The following CISTR variants were observed in gnomAD, a reference collection of about 807,000 sequenced individuals.
CISTR encodes chondrogenesis-associated transcript.
At chr12:53,753,022 A>C (rs1413319400) in intron 1 of CISTR, among the ~76,000 whole-genome samples, 2 of 150,792 alleles carry the variant, frequency 1.3e-5, no homozygotes, top group Non-Finnish European at 2.9e-5. Context: ...CTAGAACCTC[A>C]TACCATCATA....
At chr12:53,746,664 A>G (rs1937784515) in exon 3 of CISTR, among the ~76,000 whole-genome samples, 1 of 152,126 alleles carries the variant, frequency 6.6e-6, no homozygotes, top group African/African-American at 2.4e-5. Flanking sequence ...TTTTTGCTCG[A>G]GCTAAAGACG....
At chr12:53,755,938 G>A (rs1937909705) in intron 1 of CISTR, 1 of 152,234 alleles carries the variant, frequency 6.6e-6, no homozygotes, top group African/African-American at 2.4e-5. Flanking sequence ...CTGATTAGCT[G>A]TTTTGGAGAG....
In CISTR at chr12:53,751,339, C is replaced by T. The variant is rs1198924157; in HGVS notation, n.415-374G>A. Among the ~76,000 whole-genome samples the T allele has an allele frequency of 1.3e-5, 2 of 152,120 alleles. No individual in the cohort carries two copies. Among genetic ancestry groups the T allele is most frequent in the Non-Finnish European group, 2.9e-5 (2 of 68,010 alleles). On this transcript the variant is annotated intron_variant and non_coding_transcript_variant, in intron 1 of 2. Transcript: ENST00000669269. This position sits in a 1 kb window ranked among gnomAD's most constrained non-coding sequence, Gnocchi z 4.6. Reference sequence around the variant, plus strand: ...CCAATCGCCAGAGATCTAATGGCTCCTTTGGCAGTGGGAAGGGGTGTGCGT... The same window carrying T: ...CCAATCGCCAGAGATCTAATGGCTCTTTTGGCAGTGGGAAGGGGTGTGCGT...
At chr12:53,748,305 C>G (rs577409844) in intron 2 of CISTR, among the ~76,000 whole-genome samples, 1 of 152,220 alleles carries the variant, frequency 6.6e-6, no homozygotes, top group Non-Finnish European at 1.5e-5. Context: ...CAGCGCCCCC[C>G]CAACTCCATC....
rs771853088 is a variant in CISTR, at chr12:53,751,553, G to A, written n.415-588C>T. ...TAAACGAGGCGCGCAGGACTCCCTGGTGGGCCCTCAGCCTCCTCCGCGCGG... is the reference window on the plus strand; with the variant it reads ...TAAACGAGGCGCGCAGGACTCCCTGATGGGCCCTCAGCCTCCTCCGCGCGG... On this transcript the variant is annotated intron_variant and non_coding_transcript_variant, in intron 1 of 2. Transcript: ENST00000669269. The surrounding 1 kb of genome is among the most constrained non-coding windows in gnomAD (Gnocchi z 4.6). Among the ~76,000 whole-genome samples, 24 of 152,170 alleles carry A rather than the reference G, an allele frequency of 1.6e-4. No homozygotes were observed. Among genetic ancestry groups the A allele is most frequent in the Non-Finnish European group, 1.0e-4 (7 of 68,026 alleles).
chr12:53,748,792 G>A (rs926335994), intron 2 of CISTR, among the ~76,000 whole-genome samples: 6 of 152,194 alleles, frequency 3.9e-5, no homozygotes, highest in Non-Finnish European at 5.9e-5. Context: ...AGCAGAGAAG[G>A]GGAGGGAGAA....
At chr12:53,752,373 G>A (rs1266235696) in intron 1 of CISTR, among the ~76,000 whole-genome samples, 2 of 152,108 alleles carry the variant, frequency 1.3e-5, no homozygotes, top group African/African-American at 4.8e-5. Flanking sequence ...CTGCTTGCTG[G>A]CCCTCCGGCT....
rs1937831311 is a variant in CISTR at position 53,750,238 on chromosome 12, T to C, written n.1063+79A>G. ...CAGTTAGTTCATCAGGGAAGGCTGC[T>C]AGGAGTGGGGGAGTTAGAGAGGTGT... On this transcript the variant is annotated intron_variant and non_coding_transcript_variant, in intron 2 of 2. Coordinates refer to ENST00000669269, the Ensembl canonical transcript of CISTR. 3.3e-5 allele frequency among the ~76,000 whole-genome samples: 5 copies of C among 152,140 alleles called. No individual in the cohort carries two copies. The South Asian group carries it at 1.0e-3, about 31-fold the overall frequency.
Position 53,751,319 on chromosome 12 carries a change from C to A in CISTR, n.415-354G>T, listed in dbSNP as rs1015975189. On this transcript the variant is annotated intron_variant and non_coding_transcript_variant, in intron 1 of 2. Coordinates refer to ENST00000669269, the Ensembl canonical transcript of CISTR. The surrounding 1 kb of genome is among the most constrained non-coding windows in gnomAD (Gnocchi z 4.6). ...CGCTCACTCGGACCTCGGAGCCAAT[C>A]GCCAGAGATCTAATGGCTCCTTTGG... Among the ~76,000 whole-genome samples the A allele has an allele frequency of 3.3e-5, 5 of 152,144 alleles. No individual in the cohort carries two copies. Among genetic ancestry groups the A allele is most frequent in the African/African-American group, 1.2e-4 (5 of 41,438 alleles).
intron 2 of CISTR, among the ~76,000 whole-genome samples, chr12:53,749,315 T>C (rs1325321691): frequency 6.6e-6 from 1 of 151,472 alleles, no homozygotes; most frequent in African/African-American, 2.4e-5. Flanking sequence ...TGTGTATATA[T>C]ATATATAAAA....
At position 53,753,052 on chromosome 12, in the gene CISTR, T is replaced by TCACACACACACACACA. The variant is rs760615546; in HGVS notation, n.415-2103_415-2088dup. ...ATCATACTTCTCTCCCATCTATACATCACACACACACACACACACACACAC... is the reference window on the plus strand; with the variant it reads ...ATCATACTTCTCTCCCATCTATACATCACACACACACACACACACACACACACACACACACACACAC... On this transcript the variant is annotated intron_variant and non_coding_transcript_variant, in intron 1 of 2. Coordinates refer to ENST00000669269, the Ensembl canonical transcript of CISTR. Among the ~76,000 whole-genome samples the TCACACACACACACACA allele has an allele frequency of 5.8e-5, 7 of 121,326 alleles. No homozygotes were observed. The East Asian group carries it at 6.6e-4, about 11-fold the overall frequency. 79.6% of individuals were successfully genotyped at this position (121,326 alleles called of 152,430 possible). A position where few individuals can be genotyped will look rare whatever the true frequency, so the allele number is the denominator to read the frequency against.
intron 2 of CISTR, among the ~76,000 whole-genome samples, chr12:53,748,350 G>T (rs1259750668): frequency 6.6e-6 from 1 of 152,206 alleles, no homozygotes; most frequent in Non-Finnish European, 1.5e-5. Context: ...AGGCAGAGAA[G>T]GGGGGAGATG....
rs145462001 is a variant in CISTR, at chr12:53,748,855, A to G, written n.1063+1462T>C. 1.1e-3 allele frequency among the ~76,000 whole-genome samples: 163 copies of G among 152,182 alleles called. 1 individual carries two copies. In the Middle Eastern group the frequency reaches 0.017, roughly 16 times the overall value. ...AGAGTGATGGTGGGGAGGCAGTAAG[A>G]AGGGTCAGGTAGAGGTTGCAGGGGG... On this transcript the variant is annotated intron_variant and non_coding_transcript_variant, in intron 2 of 2. Transcript: ENST00000669269.
intron 1 of CISTR, among the ~76,000 whole-genome samples, chr12:53,755,371 T>C (rs1937903869): frequency 6.6e-6 from 1 of 151,884 alleles, no homozygotes; most frequent in African/African-American, 2.4e-5. Flanking sequence ...GGAGATTCTA[T>C]ATCATTTCAT....
At chr12:53,750,148 C>T (rs965699727) in intron 2 of CISTR, among the ~76,000 whole-genome samples, 1 of 152,150 alleles carries the variant, frequency 6.6e-6, no homozygotes, top group African/African-American at 2.4e-5. Context: ...AAAGTTACCC[C>T]GTTGACATTC....
At chr12:53,747,824 C>T (rs1937800054) in intron 2 of CISTR, among the ~76,000 whole-genome samples, 1 of 152,118 alleles carries the variant, frequency 6.6e-6, no homozygotes, top group Admixed American at 6.5e-5. Flanking sequence ...AGACCTGCCA[C>T]ATCTCCCTGC....
At chr12:53,755,002 C>T (rs1331932012) in intron 1 of CISTR, among the ~76,000 whole-genome samples, 1 of 152,172 alleles carries the variant, frequency 6.6e-6, no homozygotes. Context: ...TCATAGGGTG[C>T]GTCCAAATAA....
intron 2 of CISTR, among the ~76,000 whole-genome samples, chr12:53,748,934 C>T (rs1370257574): frequency 6.6e-6 from 1 of 151,902 alleles, no homozygotes; most frequent in Non-Finnish European, 1.5e-5. Flanking sequence ...GCCTGGGACT[C>T]AGGTGGGCGG....
chr12:53,748,236 G>GCCGT (rs1360950989), intron 2 of CISTR, among the ~76,000 whole-genome samples: 3 of 152,194 alleles, frequency 2.0e-5, no homozygotes, highest in Non-Finnish European at 4.4e-5. Flanking sequence ...TGCACCGCGG[G>GCCGT]CCGTCAATCT....
Sources: gnomAD v4.1 joint callset for allele counts (sites outside exome capture counted in the v4.1 genomes callset) on GRCh38, gnomAD v4.1.1 for gene constraint, Gnocchi (gnomAD v3.1) non-coding constraint, MANE v1.5 for transcripts, NCBI Gene and HGNC (gene_info 2026-07-23, HGNC 2026-07-21) for gene names.